DNAJC24: variants seen among roughly 807,000 people sequenced by gnomAD.
The protein encoded by DNAJC24 is DnaJ heat shock protein family (Hsp40) member C24, also known as dnaJ homolog subfamily C member 24.
Under a neutral mutation model 18.0 loss-of-function variants are expected in DNAJC24, and 17 were observed. The observed-to-expected ratio is 0.94, with a 90% CI of 0.65 to 1.42. The LOEUF (loss-of-function observed/expected upper bound fraction) is 1.42. Among genes scored for constraint, DNAJC24 ranks in the 40% most tolerant of loss-of-function variants. DNAJC24 has a pLI of 0.00. For missense variants in DNAJC24, 158 were observed against 175.6 expected, an observed-to-expected ratio of 0.90 and a Z score of 0.57; for synonymous variants, 55 against 57.7, an observed-to-expected ratio of 0.95 and a Z score of 0.21.
chr11:31,400,338 TCTTCCAC>T (rs1952588500), intron 2 of DNAJC24, among the ~76,000 whole-genome samples: 1 of 152,146 alleles, frequency 6.6e-6, no homozygotes, highest in Non-Finnish European at 1.5e-5. Context: ...CGCCACACTG[TCTTCCAC>T]AATGGTTATT....
chr11:31,415,144 C>A, intron 3 of DNAJC24, 195 bp downstream of exon 3: 1 of 505,670 alleles, frequency 2.0e-6, no homozygotes, highest in Non-Finnish European at 3.2e-6. Flanking sequence ...GTTAACAAAA[C>A]TACTAGGATG....
In DNAJC24 at chr11:31,431,657, A is replaced by T. The variant is rs1017840470; in HGVS notation, c.*1256A>T. 1.3e-5 allele frequency: 2 copies of T among 151,086 alleles called. No individual in the cohort carries two copies. Among genetic ancestry groups the T allele is most frequent in the African/African-American group, 2.4e-5 (1 of 41,174 alleles). 9.4% of individuals were successfully genotyped at this position (151,086 alleles called of 1,614,324 possible). On this transcript the variant is annotated 3_prime_UTR_variant, in exon 5 of 5. Coordinates refer to ENST00000465995, the MANE Select transcript of DNAJC24 (RefSeq NM_181706.5). ...TGAAACCCCATATCTACTAAAAATA[A>T]TTTTTTTAAAAATTAGCCAGTCACG...
intron 4 of DNAJC24, chr11:31,427,125 A>T (rs1952870412): frequency 6.6e-6 from 1 of 152,134 alleles, no homozygotes. Flanking sequence ...TTTTAACCTT[A>T]TTGTTCAGCA....
At chr11:31,379,608 G>C (rs1952355701) in intron 2 of DNAJC24, among the ~76,000 whole-genome samples, 1 of 152,120 alleles carries the variant, frequency 6.6e-6, no homozygotes, top group Admixed American at 6.6e-5. Flanking sequence ...GACTGCAGTG[G>C]TAATCTGTCT....
chr11:31,396,965 C>G (rs1952547856), intron 2 of DNAJC24, among the ~76,000 whole-genome samples: 1 of 152,162 alleles, frequency 6.6e-6, no homozygotes, highest in Non-Finnish European at 1.5e-5. Context: ...CCTGGAATAC[C>G]TTTCCTTCCC....
chr11:31,420,851 AG>A (rs905434782), intron 3 of DNAJC24, among the ~76,000 whole-genome samples: 2 of 152,106 alleles, frequency 1.3e-5, no homozygotes, highest in Non-Finnish European at 2.9e-5. Context: ...GGGATATTTG[AG>A]GGTCAGAACA....
rs1226979464 is a variant in DNAJC24 at position 31,413,326 on chromosome 11, CT to C, written c.112-1463del. ...AAAGTAATTATTGGATAAATACTAT[CT>C]TTTTTTTTTTTTTTTTTTTTTGAGA... On this transcript the variant is annotated intron_variant, in intron 2 of 4. Transcript: ENST00000465995. Among the ~76,000 whole-genome samples the C allele has an allele frequency of 3.6e-3, 451 of 126,362 alleles. 1 individual carries two copies. Among genetic ancestry groups the C allele is most frequent in the East Asian group, 0.017 (73 of 4,396 alleles). The allele number at this position is 126,362 out of a possible 152,430, so 82.9% of individuals were successfully genotyped here.
chr11:31,415,049 T>G (rs993156956), intron 3 of DNAJC24, 100 bp downstream of exon 3: 30 of 1,313,276 alleles, frequency 2.3e-5, no homozygotes, highest in Non-Finnish European at 3.1e-5. Context: ...GCACCAAGTG[T>G]TATTGTTGCC....
intron 2 of DNAJC24, among the ~76,000 whole-genome samples, chr11:31,371,905 C>T (rs1364432270): frequency 3.4e-5 from 5 of 146,878 alleles, no homozygotes. Flanking sequence ...CACACTGCAA[C>T]CTCCGCCTCC....
At chr11:31,424,938 G>T (rs1278483379) in intron 3 of DNAJC24, among the ~76,000 whole-genome samples, 1 of 152,052 alleles carries the variant, frequency 6.6e-6, no homozygotes, top group Middle Eastern at 3.4e-3. Flanking sequence ...TTTTATTGGG[G>T]TGGGGAGTGG....
chr11:31,395,293 T>A (rs1952534185), intron 2 of DNAJC24, among the ~76,000 whole-genome samples: 1 of 152,214 alleles, frequency 6.6e-6, no homozygotes, highest in Non-Finnish European at 1.5e-5. Context: ...CTAACGTTGA[T>A]GGGCATTTAG....
chr11:31,423,548 A>T (rs181118833), intron 3 of DNAJC24, among the ~76,000 whole-genome samples: 246 of 152,344 alleles, frequency 1.6e-3, no homozygotes, highest in Non-Finnish European at 2.1e-3. Flanking sequence ...GGCATAAGCC[A>T]CAGTGCCTGA....
At chr11:31,417,163 G>GTATT (rs977849045) in intron 3 of DNAJC24, 7 of 148,044 alleles carry the variant, frequency 4.7e-5, no homozygotes, top group Non-Finnish European at 7.4e-5. Flanking sequence ...TAAGTACTAA[G>GTATT]TATTGCCTCT....
At chr11:31,381,748 G>A (rs1479355647) in intron 2 of DNAJC24, among the ~76,000 whole-genome samples, 2 of 151,744 alleles carry the variant, frequency 1.3e-5, no homozygotes, top group Non-Finnish European at 2.9e-5. Flanking sequence ...GCTAAGTTTT[G>A]TATTTTTTAG....
intron 2 of DNAJC24, among the ~76,000 whole-genome samples, chr11:31,392,968 T>A (rs191714138): frequency 6.6e-6 from 1 of 152,182 alleles, no homozygotes; most frequent in African/African-American, 2.4e-5. Flanking sequence ...TCTTTCACAA[T>A]GTGAGGACAG....
intron 2 of DNAJC24, among the ~76,000 whole-genome samples, chr11:31,401,226 T>C (rs914752097): frequency 1.3e-4 from 20 of 152,100 alleles, no homozygotes; most frequent in African/African-American, 4.1e-4. Context: ...CAGTAAACAA[T>C]AGATGCTGGC....
At chr11:31,417,294 A>G (rs1952758900) in intron 3 of DNAJC24, 1 of 152,048 alleles carries the variant, frequency 6.6e-6, no homozygotes, top group Non-Finnish European at 1.5e-5. Context: ...TTCATACCAG[A>G]GCTATTTTTC....
intron 4 of DNAJC24, chr11:31,427,834 A>G (rs1219112757): frequency 1.3e-5 from 2 of 151,564 alleles, no homozygotes; most frequent in Non-Finnish European, 2.9e-5. Flanking sequence ...TTAATTTTAA[A>G]TGAGAATACG....
chr11:31,388,716 A>AT (rs1457328684), intron 2 of DNAJC24, among the ~76,000 whole-genome samples: 5 of 152,218 alleles, frequency 3.3e-5, no homozygotes, highest in African/African-American at 7.2e-5. Context: ...AGAAAAACTC[A>AT]TAACACTGTA....
Sources: allele counts gnomAD v4.1 joint callset (sites outside exome capture counted in the v4.1 genomes callset), GRCh38; gene constraint gnomAD v4.1.1; transcripts MANE v1.5; gene names NCBI Gene and HGNC (gene_info 2026-07-23, HGNC 2026-07-21).